The following ZNF335 variants were observed in gnomAD, a reference collection of about 807,000 sequenced individuals.
ZNF335 encodes zinc finger protein 335.
ZNF335 carries 84 observed loss-of-function variants against 145.6 expected under a neutral mutation model. The ratio of observed to expected loss-of-function variants is 0.58; its 90% CI spans 0.48 to 0.69. The LOEUF is 0.69. ZNF335 is among the 30% of genes least tolerant of loss of function. ZNF335 has a pLI of 0.00. For synonymous variants in ZNF335, 761 were observed against 717.0 expected, an observed-to-expected ratio of 1.06 and a Z score of -0.98; for missense variants, 1,865 against 1,809.7, an observed-to-expected ratio of 1.03 and a Z score of -0.55.
rs774391567 is a variant in ZNF335 at position 45,957,573 on chromosome 20, C to G, written c.2442+13G>C. The stretch of plus-strand genomic sequence containing the variant: ...GGTAGCTGGGAAGGGGAGCAGGTTC[C>G]CAGGCAGCTCACCTGCAGGGCTGTG... On this transcript the variant is annotated intron_variant, in intron 17 of 27. Transcript: ENST00000322927. 1 of 1,612,642 alleles carries G rather than the reference C, an allele frequency of 6.2e-7. No homozygotes were observed. The highest frequency in any genetic ancestry group is 8.5e-7 in the Non-Finnish European group (1 of 1,178,786).
intron 7 of ZNF335, among the ~76,000 whole-genome samples, chr20:45,965,213 C>G (rs2083929294): frequency 6.6e-6 from 1 of 152,084 alleles, no homozygotes; most frequent in Admixed American, 6.5e-5. Context: ...ACACAGACTG[C>G]AGGCGGCAGA....
At position 45,959,285 on chromosome 20, in the gene ZNF335, G is replaced by A; in HGVS notation, c.2169C>T (p.Phe723=). 6.4e-7 allele frequency: 1 copy of A among 1,554,220 alleles called. No homozygotes were observed. Among genetic ancestry groups the A allele is most frequent in the Non-Finnish European group, 8.7e-7 (1 of 1,145,936 alleles). The part of the protein sequence containing the change: ...PEEPPSRRRP[F]FSLQQIEELK... ...GCTCCTCAATCTGCTGCAGAGAGAA[G>A]AAGGGGCGACGGCGGGAGGGGGGCT... Residue 723 remains phenylalanine (F), a synonymous_variant, in exon 15 of 28, where the codon TTC becomes TTT. Coordinates refer to ENST00000322927, the MANE Select transcript of ZNF335 (RefSeq NM_022095.4).
Position 45,962,179 on chromosome 20 carries a change from G to A in ZNF335, c.1537C>T (p.His513Tyr), listed in dbSNP as rs2083855341. The A allele has an allele frequency of 1.9e-6, 3 of 1,613,600 alleles. No individual in the cohort carries two copies. The highest frequency in any genetic ancestry group is 1.7e-5 in the Admixed American group (1 of 60,000). ...RSRRWSSLKEHMFNHVGSKPY... is the reference protein window; with the variant it reads ...RSRRWSSLKEYMFNHVGSKPY... ...TTGCTGCCCACGTGGTTGAACATGTGCTCCTGGGAGACAGACAAAAGGATG... is the reference window on the plus strand; with the variant it reads ...TTGCTGCCCACGTGGTTGAACATGTACTCCTGGGAGACAGACAAAAGGATG... Residue 513 changes from histidine (H) to tyrosine (Y), a missense_variant, in exon 10 of 28, where the codon CAC becomes TAC. Coordinates refer to ENST00000322927, the MANE Select transcript of ZNF335 (RefSeq NM_022095.4).
At position 45,953,968 on chromosome 20, in the gene ZNF335, C is replaced by T. The variant is rs1213967488; in HGVS notation, c.2443-20G>A. The T allele has an allele frequency of 1.9e-5, 29 of 1,561,150 alleles. No individual in the cohort carries two copies. The highest frequency in any genetic ancestry group is 2.4e-5 in the Non-Finnish European group (28 of 1,151,020). The stretch of plus-strand genomic sequence containing the variant: ...AGCCACCTGCAACGGCACCAGGGGG[C>T]GGGATGGGAGGCACTGGTGGCAGAG... On this transcript the variant is annotated intron_variant, in intron 17 of 27. Transcript: ENST00000322927.
In ZNF335 at chr20:45,949,087, G is replaced by A; in HGVS notation, c.3902-7C>T. The A allele has an allele frequency of 1.9e-6, 3 of 1,613,736 alleles. No homozygotes were observed. The highest frequency in any genetic ancestry group is 1.1e-5 in the South Asian group (1 of 91,076). Reference sequence around the variant, plus strand: ...ATGGCAGCATCAGCCACTGCTGCCAGGGGAGGGGAAAGTATGGTGAGCTGG... The same window carrying A: ...ATGGCAGCATCAGCCACTGCTGCCAAGGGAGGGGAAAGTATGGTGAGCTGG... On this transcript the variant is annotated splice_polypyrimidine_tract_variant and splice_region_variant and intron_variant, in intron 27 of 27. Transcript: ENST00000322927.
intron 6 of ZNF335, chr20:45,967,003 C>G (rs2083967600): frequency 5.6e-6 from 1 of 178,772 alleles, no homozygotes; most frequent in Non-Finnish European, 1.2e-5. Flanking sequence ...AGACACATAC[C>G]ACAACAGGCT....
At chr20:45,949,682 T>C (rs2083591980) in intron 24 of ZNF335, 114 bp from the exon 25 acceptor site, 23 of 1,462,176 alleles carry the variant, frequency 1.6e-5, no homozygotes, top group Middle Eastern at 2.0e-4. Flanking sequence ...ACAATGCAGT[T>C]GTTGGCAAGC....
intron 4 of ZNF335, 75 bp downstream of exon 4, chr20:45,968,210 T>C (rs901386370): frequency 1.6e-5 from 25 of 1,547,672 alleles, no homozygotes; most frequent in Admixed American, 1.4e-4. Context: ...ACAGACGGAA[T>C]CCGCGGCAGA....
At chr20:45,950,802 T>C (rs1185932466) in intron 20 of ZNF335, among the ~76,000 whole-genome samples, 1 of 152,202 alleles carries the variant, frequency 6.6e-6, no homozygotes, top group Non-Finnish European at 1.5e-5. Context: ...GGCCATAGAT[T>C]CCATCATTAT....
At position 45,957,945 on chromosome 20, in the gene ZNF335, T is replaced by A; in HGVS notation, c.2254-17A>T. On this transcript the variant is annotated splice_polypyrimidine_tract_variant and intron_variant, in intron 15 of 27. Coordinates refer to ENST00000322927, the MANE Select transcript of ZNF335 (RefSeq NM_022095.4). The stretch of plus-strand genomic sequence containing the variant: ...TGGGGGTATCTATGGGGTGGAGATA[T>A]GGCCACGCCTGAGAGGGGCCAGCCC... 4 of 1,610,716 alleles carry A rather than the reference T, an allele frequency of 2.5e-6. No homozygotes were observed. Among genetic ancestry groups the A allele is most frequent in the Non-Finnish European group, 3.4e-6 (4 of 1,177,072 alleles).
intron 1 of ZNF335, 87 bp from the exon 2 acceptor site, chr20:45,971,547 C>T: frequency 1.4e-6 from 2 of 1,471,634 alleles, no homozygotes; most frequent in Admixed American, 2.3e-5. Flanking sequence ...CCCCTGCGCC[C>T]ATTTTGCAGA....
chr20:45,955,474 C>G (rs116557876), intron 17 of ZNF335, among the ~76,000 whole-genome samples: 2 of 151,884 alleles, frequency 1.3e-5, no homozygotes, highest in African/African-American at 4.8e-5. Context: ...AGGCTTCTCA[C>G]CATACCCTCT....
At chr20:45,961,076 C>T (rs1204943915) in intron 10 of ZNF335, among the ~76,000 whole-genome samples, 194 bp from the exon 11 acceptor site, 2 of 152,194 alleles carry the variant, frequency 1.3e-5, no homozygotes, top group Non-Finnish European at 2.9e-5. Flanking sequence ...ATATTCTGCA[C>T]TCAAATATAT....
chr20:45,949,733 C>T, intron 24 of ZNF335, 67 bp downstream of exon 24: 1 of 1,580,766 alleles, frequency 6.3e-7, no homozygotes, highest in South Asian at 1.1e-5. Context: ...ATCATTCCTC[C>T]CCAAGGTAGG....
chr20:45,962,315 A>G (rs1339230381), intron 9 of ZNF335, 133 bp from the exon 10 acceptor site: 1 of 689,910 alleles, frequency 1.4e-6, no homozygotes, highest in Non-Finnish European at 2.5e-6. Context: ...TGGACAACAC[A>G]CCCCGACGCA....
intron 17 of ZNF335, among the ~76,000 whole-genome samples, chr20:45,957,153 G>A (rs577463745): frequency 4.6e-5 from 7 of 152,332 alleles, no homozygotes; most frequent in African/African-American, 1.7e-4. Context: ...TGGAACGCGA[G>A]AGAGTGGTCT....
chr20:45,959,695 C>T (rs2083797876), intron 14 of ZNF335, among the ~76,000 whole-genome samples: 2 of 152,192 alleles, frequency 1.3e-5, no homozygotes, highest in African/African-American at 4.8e-5. Flanking sequence ...CATCACAGGA[C>T]TCTGGCTAAG....
rs772414739 is a variant in ZNF335, at chr20:45,959,298, C to T, written c.2156G>A (p.Arg719His). ...GRRHPEEPPSRRRPFFSLQQI... is the reference protein window; with the variant it reads ...GRRHPEEPPSHRRPFFSLQQI... ...CTGCAGAGAGAAGAAGGGGCGACGG[C>T]GGGAGGGGGGCTCCTCAGGGTGGCG... Residue 719 changes from arginine (R) to histidine (H), a missense_variant, in exon 15 of 28, where the codon CGC becomes CAC. Coordinates refer to ENST00000322927, the MANE Select transcript of ZNF335 (RefSeq NM_022095.4). The T allele has an allele frequency of 2.2e-5, 34 of 1,562,314 alleles. No individual in the cohort carries two copies. The highest frequency in any genetic ancestry group is 3.5e-5 in the South Asian group (3 of 85,344).
At chr20:45,958,866 T>C (rs1228130926) in intron 15 of ZNF335, among the ~76,000 whole-genome samples, 1 of 152,160 alleles carries the variant, frequency 6.6e-6, no homozygotes, top group Non-Finnish European at 1.5e-5. Context: ...ATGAAAGTCA[T>C]ATGCCTGGGA....
Sources: gnomAD v4.1 joint callset for allele counts (sites outside exome capture counted in the v4.1 genomes callset) on GRCh38, gnomAD v4.1.1 for gene constraint, MANE v1.5 for transcripts, NCBI Gene and HGNC (gene_info 2026-07-23, HGNC 2026-07-21) for gene names.